SHPRH: variants seen among roughly 807,000 people sequenced by gnomAD.
SHPRH encodes SNF2 histone linker PHD RING helicase.
Under a neutral mutation model 202.5 loss-of-function variants are expected in SHPRH, and 106 were observed. The ratio of observed to expected loss-of-function variants is 0.52; its 90% CI spans 0.45 to 0.62. The LOEUF is 0.62. SHPRH is among the 20% of genes least tolerant of loss of function. The pLI is 0.00. For missense variants in SHPRH, 1,710 were observed against 2,020.0 expected (o/e 0.85, Z 2.94); for synonymous variants, 729 against 686.0 (o/e 1.06, Z -0.98).
At chr6:145,870,683 A>C (rs1050118772) in intron 2 of SHPRH, among the ~76,000 whole-genome samples, 1 of 152,152 alleles carries the variant, frequency 6.6e-6, no homozygotes, top group African/African-American at 2.4e-5. Flanking sequence ...CTTCAAGAAC[A>C]ATGTTGAAAA....
downstream of SHPRH, chr6:145,884,373 T>C (rs1780813826): frequency 2.0e-5 from 3 of 152,310 alleles, no homozygotes; most frequent in African/African-American, 2.4e-5. Flanking sequence ...GCACTTTACA[T>C]TGTATGTATC....
rs1783397400 is a variant in SHPRH, at chr6:145,910,481, C to G, written c.4482G>C (p.Glu1494Asp). 7 of 1,613,074 alleles carry G rather than the reference C, an allele frequency of 4.3e-6. No homozygotes were observed. Among genetic ancestry groups the G allele is most frequent in the Non-Finnish European group, 5.9e-6 (7 of 1,179,476 alleles). Reference protein sequence around the residue: ...HKEISYVFTSEKANQEEDIPV... With the variant: ...HKEISYVFTSDKANQEEDIPV... ...GGATGTCCTCCTCCTGGTTTGCTTT[C>G]TCTGAGGTAAAGACATACGAGATTT... The change falls in exon 25 of 30, where the codon GAG becomes GAC. Residue 1494 changes from glutamate to aspartate, a missense_variant. Coordinates refer to ENST00000275233, the MANE Select transcript of SHPRH (RefSeq NM_001042683.3).
At chr6:145,963,616 G>A (rs533355042) in intron 1 of SHPRH, 115 bp downstream of exon 1, 2 of 152,370 alleles carry the variant, frequency 1.3e-5, no homozygotes, top group African/African-American at 2.4e-5. Flanking sequence ...AGAACTTTGA[G>A]TGGGACTGAG....
chr6:145,902,949 T>C (rs576891710), intron 25 of SHPRH, among the ~76,000 whole-genome samples: 1 of 152,260 alleles, frequency 6.6e-6, no homozygotes, highest in South Asian at 2.1e-4. Flanking sequence ...AAGTCTCTAC[T>C]GTGTGTTCAA....
intron 25 of SHPRH, among the ~76,000 whole-genome samples, chr6:145,901,134 A>G (rs1782468954): frequency 6.6e-6 from 1 of 152,110 alleles, no homozygotes; most frequent in South Asian, 2.1e-4. Flanking sequence ...GAACCATATG[A>G]GGAACTGGAT....
At position 145,952,438 on chromosome 6, in the gene SHPRH, T is replaced by A. The variant is rs1375785683; in HGVS notation, c.674A>T (p.Asp225Val). ...YLLEAGLAKL[D>V]FLSDANSRMK... ...TCTTGAATTTGCATCACTCAAGAAG[T>A]CTAGTTTTGCTAGGCCAGCTTCCAA... Residue 225 changes from aspartate (D) to valine (V), a missense_variant, in exon 3 of 30, where the codon GAC (aspartate) becomes GTC (valine). Physicochemically the swap from Asp to Val is radical, Grantham distance 152. Transcript: ENST00000275233. 1 of 1,609,614 alleles carries A rather than the reference T, an allele frequency of 6.2e-7. No homozygotes were observed. The highest frequency in any genetic ancestry group is 1.3e-5 in the African/African-American group (1 of 74,722).
intron 2 of SHPRH, among the ~76,000 whole-genome samples, chr6:145,875,799 T>C (rs1780274215): frequency 6.6e-6 from 1 of 152,212 alleles, no homozygotes; most frequent in Admixed American, 6.5e-5. Context: ...CAATTCCAGA[T>C]GCTACAACAT....
chr6:145,864,999 CTATTTA>C (rs1436530440), intron 2 of SHPRH, among the ~76,000 whole-genome samples: 24 of 151,542 alleles, frequency 1.6e-4, no homozygotes, highest in Admixed American at 1.6e-3. Flanking sequence ...TGGTGCCTTT[CTATTTA>C]TTTCTAGTAT....
chr6:145,918,262 A>G (rs755337733), intron 22 of SHPRH, 30 bp from the exon 23 acceptor site: 1 of 1,376,950 alleles, frequency 7.3e-7, no homozygotes, highest in Admixed American at 2.6e-5. Flanking sequence ...AAACTTCTTT[A>G]TTCTTTCAGA....
chr6:145,900,327 T>A (rs1030277216), intron 25 of SHPRH, among the ~76,000 whole-genome samples: 1 of 152,114 alleles, frequency 6.6e-6, no homozygotes, highest in Non-Finnish European at 1.5e-5. Flanking sequence ...TACCTGACAG[T>A]AAATCAATCC....
chr6:145,955,318 C>T lies in SHPRH; in HGVS notation c.5G>A (p.Ser2Asn), dbSNP rs1788396307. Reference protein sequence around the residue: MSSRRKRAPPVR... With the variant: MNSRRKRAPPVR... ...TGGAGGAGCACGTTTCCGTCGGCTG[C>T]TCATTTTCAAGTTTTCTTGGCTGGT... Residue 2 changes from serine (S) to asparagine (N), a missense_variant, in exon 2 of 30, where the codon AGC becomes AAC. By Grantham distance (46) the Ser-to-Asn change is conservative. Coordinates refer to ENST00000275233, the MANE Select transcript of SHPRH (RefSeq NM_001042683.3). The T allele has an allele frequency of 2.5e-6, 4 of 1,591,194 alleles. No individual in the cohort carries two copies. Among genetic ancestry groups the T allele is most frequent in the Non-Finnish European group, 3.4e-6 (4 of 1,171,212 alleles).
At chr6:145,933,266 T>TG in intron 13 of SHPRH, 88 bp from the exon 14 acceptor site, 1 of 1,543,444 alleles carries the variant, frequency 6.5e-7, no homozygotes, top group Non-Finnish European at 8.8e-7. Flanking sequence ...TGATCAAGAG[T>TG]GTATGAGACT....
rs1434959708 is a variant in SHPRH, at chr6:145,887,567, G to A, written c.4955+453C>T. On this transcript the variant is annotated intron_variant, in intron 29 of 29. Transcript: ENST00000275233. ...TTTTTTTTTTTTGAGACACAGACTC[G>A]TTCTGTTGCCCAGGCTGGAGTGCAG... Among the ~76,000 whole-genome samples, 10 of 129,176 alleles carry A rather than the reference G, an allele frequency of 7.7e-5. 1 individual carries two copies. Among genetic ancestry groups the A allele is most frequent in the Admixed American group, 3.7e-4 (4 of 10,832 alleles). The allele number at this position is 129,176 out of a possible 152,430, so 84.7% of individuals were successfully genotyped here.
In SHPRH at chr6:145,893,445, C is replaced by A; in HGVS notation, c.4696-52G>T. 3 of 1,488,026 alleles carry A rather than the reference C, an allele frequency of 2.0e-6. No individual in the cohort carries two copies. In the South Asian group the frequency reaches 3.9e-5, roughly 20 times the overall value. 92.2% of individuals were successfully genotyped at this position (1,488,026 alleles called of 1,614,324 possible). On this transcript the variant is annotated intron_variant, in intron 27 of 29. Coordinates refer to ENST00000275233, the MANE Select transcript of SHPRH (RefSeq NM_001042683.3). ...TTAGCTCGATCAGTTAAAATAAGAG[C>A]AGTATGTAATAGCTCACTTTAAAGA...
chr6:145,867,631 T>TATATATAG (rs1554220329), intron 2 of SHPRH, among the ~76,000 whole-genome samples: 38 of 22,308 alleles, frequency 1.7e-3, no homozygotes, highest in Admixed American at 4.6e-3. Flanking sequence ...TATATATATA[T>TATATATAG]AGAGAGAGAG....
At chr6:145,879,605 T>A (rs941863897) in intron 2 of SHPRH, among the ~76,000 whole-genome samples, 1 of 152,138 alleles carries the variant, frequency 6.6e-6, no homozygotes, top group Admixed American at 6.5e-5. Flanking sequence ...GCCTCTTCTG[T>A]ATTCAGTAGA....
Position 145,925,269 on chromosome 6 carries a change from T to C in SHPRH, c.3295-423A>G, listed in dbSNP as rs575815553. 4.7e-4 allele frequency among the ~76,000 whole-genome samples: 71 copies of C among 151,544 alleles called. No homozygotes were observed. The Middle Eastern group carries it at 0.01, about 22-fold the overall frequency. On this transcript the variant is annotated intron_variant, in intron 16 of 29. Transcript: ENST00000275233. ...TGAGAATACACAGTAACACAGGTGTTAGGAACTGAATTTTGTTTCCCCAAA... is the reference window on the plus strand; with the variant it reads ...TGAGAATACACAGTAACACAGGTGTCAGGAACTGAATTTTGTTTCCCCAAA...
At chr6:145,942,608 C>T (rs1352726370) in intron 9 of SHPRH, among the ~76,000 whole-genome samples, 1 of 152,204 alleles carries the variant, frequency 6.6e-6, no homozygotes, top group Non-Finnish European at 1.5e-5. Context: ...AATAACATTA[C>T]TATGTGCCCA....
At chr6:145,946,786 T>G (rs1787432391) in intron 6 of SHPRH, among the ~76,000 whole-genome samples, 1 of 151,948 alleles carries the variant, frequency 6.6e-6, no homozygotes, top group Admixed American at 6.6e-5. Context: ...AGGCTAATTC[T>G]GCAAACTTGA....
Sources: gnomAD v4.1 joint callset for allele counts (sites outside exome capture counted in the v4.1 genomes callset) on GRCh38, gnomAD v4.1.1 for gene constraint, MANE v1.5 for transcripts, NCBI Gene and HGNC (gene_info 2026-07-23, HGNC 2026-07-21) for gene names.